Variants in ANKRD35 observed in about 807,000 individuals in gnomAD.
ANKRD35 encodes the protein ankyrin repeat domain-containing protein 35.
In ANKRD35, 102 loss-of-function variants were observed where a neutral mutation model predicts 109.9. That is an observed-to-expected ratio of 0.93 (90% CI 0.79 to 1.09). The LOEUF (loss-of-function observed/expected upper bound fraction) is 1.09, where lower values mean the gene tolerates loss of function less well. Ranked by LOEUF, ANKRD35 falls within the 50% of genes least tolerant of loss-of-function variation. The pLI is 0.00. For missense variants in ANKRD35, 1,240 were observed against 1,230.1 expected (o/e 1.01, Z -0.12); for synonymous variants, 515 against 512.4 (o/e 1.01, Z -0.07).
intron 1 of ANKRD35, among the ~76,000 whole-genome samples, chr1:145,882,197 G>T (rs1553741242): frequency 6.6e-6 from 1 of 151,398 alleles, no homozygotes; most frequent in African/African-American, 2.4e-5. Flanking sequence ...CTCGTGATCT[G>T]CCCTCCTCGG....
At chr1:145,881,949 C>CTTTTTTTT (rs782253954) in intron 1 of ANKRD35, among the ~76,000 whole-genome samples, 4 of 104,634 alleles carry the variant, frequency 3.8e-5, no homozygotes, top group Non-Finnish European at 7.6e-5. Flanking sequence ...CTTTCCCCTT[C>CTTTTTTTT]TTTTTTTTTT....
chr1:145,867,498 A>C, intron 12 of ANKRD35, 106 bp from the exon 13 acceptor site: 1 of 896,988 alleles, frequency 1.1e-6, no homozygotes, highest in Admixed American at 2.0e-5. Flanking sequence ...TATTTACTAT[A>C]TACCTTCACT....
intron 7 of ANKRD35, among the ~76,000 whole-genome samples, chr1:145,875,413 G>C (rs782296951): frequency 1.4e-4 from 21 of 152,104 alleles, no homozygotes; most frequent in Non-Finnish European, 2.5e-4. Context: ...CCAAAGTGCT[G>C]GGATTACAGG....
In ANKRD35 at chr1:145,873,521, G is replaced by A; in HGVS notation, c.1248C>T (p.Val416=). 1 of 1,614,004 alleles carries A rather than the reference G, an allele frequency of 6.2e-7. No homozygotes were observed. The highest frequency in any genetic ancestry group is 8.5e-7 in the Non-Finnish European group (1 of 1,179,968). The change falls in exon 10 of 14, where the codon GTC becomes GTT. Residue 416 remains valine, a synonymous_variant. Coordinates refer to ENST00000355594, the MANE Select transcript of ANKRD35 (RefSeq NM_144698.5). The part of the protein sequence containing the change: ...DSAPGKIQYE[V]HGRSQPEEQG... ...GTTCTTCTGGTTGGGACCTTCCATG[G>A]ACTTCATACTGGATCTTTCCTGGGG...
intron 10 of ANKRD35, among the ~76,000 whole-genome samples, chr1:145,871,215 G>T (rs145934553): frequency 5.4e-4 from 65 of 120,072 alleles, no homozygotes; most frequent in African/African-American, 1.9e-3. Context: ...CCAGGCTGGA[G>T]TGCAATGGTG....
intron 1 of ANKRD35, among the ~76,000 whole-genome samples, chr1:145,883,453 T>C (rs1654366454): frequency 6.6e-6 from 1 of 152,222 alleles, no homozygotes; most frequent in African/African-American, 2.4e-5. Flanking sequence ...AGTAAGCTCA[T>C]AGGTAAGATA....
In ANKRD35 at chr1:145,873,178, C is replaced by T; in HGVS notation, c.1591G>A (p.Ala531Thr). 1.9e-6 allele frequency: 3 copies of T among 1,614,122 alleles called. No individual in the cohort carries two copies. The highest frequency in any genetic ancestry group is 1.7e-6 in the Non-Finnish European group (2 of 1,180,014). ...ALGTPRAEAA[A>T]AAWEKMEARL... ...GCTTCCATCTTCTCCCAGGCAGCTG[C>T]TGCTGCCTCAGCACGGGGAGTCCCC... is the stretch of plus-strand genomic sequence containing the variant. Residue 531 changes from alanine to threonine, a missense_variant, in exon 10 of 14, where the codon GCA becomes ACA. Coordinates refer to ENST00000355594, the MANE Select transcript of ANKRD35 (RefSeq NM_144698.5).
chr1:145,867,455 G>A, intron 12 of ANKRD35, 63 bp from the exon 13 acceptor site: 1 of 1,450,626 alleles, frequency 6.9e-7, no homozygotes, highest in Non-Finnish European at 9.7e-7. Context: ...AGAGAGGTGA[G>A]GGAGAGGTTC....
chr1:145,877,532 G>C (rs1553740360), intron 4 of ANKRD35, among the ~76,000 whole-genome samples: 1 of 152,178 alleles, frequency 6.6e-6, no homozygotes, highest in South Asian at 2.1e-4. Context: ...CACCCGGCCA[G>C]TAACTGCCTT....
chr1:145,884,985 C>T (rs1553741646), intron 1 of ANKRD35, among the ~76,000 whole-genome samples: 1 of 152,148 alleles, frequency 6.6e-6, no homozygotes, highest in Non-Finnish European at 1.5e-5. Flanking sequence ...GCAATATTAA[C>T]TCACAGCAAG....
intron 1 of ANKRD35, among the ~76,000 whole-genome samples, chr1:145,882,244 G>A (rs1331623483): frequency 6.8e-6 from 1 of 146,614 alleles, no homozygotes; most frequent in Non-Finnish European, 1.5e-5. Flanking sequence ...GTGAGCCACC[G>A]CGCCTGGCCC....
Position 145,867,304 on chromosome 1 carries a change from C to T in ANKRD35, c.*26G>A, listed in dbSNP as rs1653640493. 1 of 1,609,022 alleles carries T rather than the reference C, an allele frequency of 6.2e-7. No individual in the cohort carries two copies. The highest frequency in any genetic ancestry group is 1.3e-5 in the African/African-American group (1 of 74,890). ...CAACTCACAACAGAGAATCTCGTAT[C>T]CCTGAGGGCACACAGTGAGGCTGCC... On this transcript the variant is annotated 3_prime_UTR_variant, in exon 13 of 14. Coordinates refer to ENST00000355594, the MANE Select transcript of ANKRD35 (RefSeq NM_144698.5).
chr1:145,868,483 G>GTATT, intron 10 of ANKRD35, 83 bp from the exon 11 acceptor site: 1 of 1,165,074 alleles, frequency 8.6e-7, no homozygotes. Context: ...CTTTTACTGA[G>GTATT]TATTTAATAT....
intron 1 of ANKRD35, among the ~76,000 whole-genome samples, chr1:145,884,173 T>C (rs12025859): frequency 4.6e-5 from 7 of 152,186 alleles, no homozygotes; most frequent in Non-Finnish European, 1.0e-4. Context: ...AAGGCAACAT[T>C]GAATACTTTC....
rs782666886 is a variant in ANKRD35 at position 145,871,996 on chromosome 1, C to G, written c.2773G>C (p.Asp925His). ...KMEHLIGACR[D>H]KEAKIKELLK... is the part of the protein sequence containing the mutation. ...CAGCTGCTCACCTTGGCTTCCTTGT[C>G]TCGGCAAGCCCCAATGAGATGCTCC... Residue 925 changes from aspartate (D) to histidine (H), a missense_variant, in exon 10 of 14, where the codon GAC becomes CAC. Physicochemically the swap from Asp to His is moderately conservative, Grantham distance 81. Coordinates refer to ENST00000355594, the MANE Select transcript of ANKRD35 (RefSeq NM_144698.5). 6.2e-7 allele frequency: 1 copy of G among 1,611,446 alleles called. No individual in the cohort carries two copies. Among genetic ancestry groups the G allele is most frequent in the Non-Finnish European group, 8.5e-7 (1 of 1,179,966 alleles).
chr1:145,868,086 T>C (rs2101699152), intron 11 of ANKRD35, 30 bp from the exon 12 acceptor site: 1 of 1,609,570 alleles, frequency 6.2e-7, no homozygotes, highest in South Asian at 1.1e-5. Flanking sequence ...GGAAGTCACA[T>C]GTCCACCCTC....
At chr1:145,869,815 T>C (rs1653744620) in intron 10 of ANKRD35, among the ~76,000 whole-genome samples, 1 of 152,024 alleles carries the variant, frequency 6.6e-6, no homozygotes, top group Admixed American at 6.6e-5. Context: ...GAGACTAAAT[T>C]AAGTAATTTG....
intron 1 of ANKRD35, among the ~76,000 whole-genome samples, chr1:145,883,171 G>A (rs371824496): frequency 5.1e-5 from 7 of 136,838 alleles, no homozygotes; most frequent in South Asian, 4.8e-4. Flanking sequence ...TGCAACCTCC[G>A]CCTCCCGGGT....
intron 7 of ANKRD35, 35 bp from the exon 8 acceptor site, chr1:145,875,041 C>T (rs376732376): frequency 1.3e-6 from 2 of 1,545,920 alleles, no homozygotes; most frequent in African/African-American, 2.7e-5. Context: ...ACAGACTTTC[C>T]ACATGGAACC....
Sources: allele counts gnomAD v4.1 joint callset (sites outside exome capture counted in the v4.1 genomes callset), GRCh38; gene constraint gnomAD v4.1.1; transcripts MANE v1.5; gene names NCBI Gene and HGNC (gene_info 2026-07-23, HGNC 2026-07-21).